SEMA5A: variants seen among roughly 807,000 people sequenced by gnomAD.
SEMA5A encodes the protein semaphorin-5A.
Under a neutral mutation model 135.5 loss-of-function variants are expected in SEMA5A, and 55 were observed. The observed-to-expected ratio is 0.41, with a 90% CI of 0.33 to 0.51. SEMA5A has a LOEUF of 0.51. Among genes scored for constraint, SEMA5A ranks in the 20% least tolerant of loss-of-function variants. The probability of loss-of-function intolerance (pLI) is 0.37; values close to 1 mark genes in which losing one functional copy is unlikely to be tolerated. For synonymous variants in SEMA5A, 580 were observed against 546.5 expected, an observed-to-expected ratio of 1.06 and a Z score of -0.85; for missense variants, 1,290 against 1,419.9, an observed-to-expected ratio of 0.91 and a Z score of 1.47.
intron 5 of SEMA5A, among the ~76,000 whole-genome samples, chr5:9,291,781 CTTTTGGAA>C (rs1015987715): frequency 3.7e-5 from 5 of 135,542 alleles, no homozygotes; most frequent in Non-Finnish European, 6.3e-5. Flanking sequence ...TTTTTTTTGA[CTTTTGGAA>C]TTTTGGAATT....
At chr5:9,459,667 A>G (rs186854923) in intron 1 of SEMA5A, among the ~76,000 whole-genome samples, 4 of 152,368 alleles carry the variant, frequency 2.6e-5, no homozygotes, top group Admixed American at 2.0e-4. Context: ...CATAGAAATG[A>G]TGACATAATA....
At chr5:9,066,817 G>C (rs926578434) in intron 16 of SEMA5A, among the ~76,000 whole-genome samples, 171 bp from the exon 17 acceptor site, 1 of 152,134 alleles carries the variant, frequency 6.6e-6, no homozygotes, top group African/African-American at 2.4e-5. Context: ...GTATTCAACA[G>C]AATGCTCAGT....
intron 11 of SEMA5A, among the ~76,000 whole-genome samples, chr5:9,177,885 C>T (rs545259410): frequency 2.0e-5 from 3 of 152,314 alleles, no homozygotes; most frequent in East Asian, 1.9e-4. Context: ...GATTAGCTTT[C>T]GAAGACTTAA....
chr5:9,263,691 C>T (rs954579516), intron 5 of SEMA5A, among the ~76,000 whole-genome samples: 1 of 152,150 alleles, frequency 6.6e-6, no homozygotes, highest in Non-Finnish European at 1.5e-5. Context: ...GGTTTTCATG[C>T]CTGTGATTAA....
intron 1 of SEMA5A, among the ~76,000 whole-genome samples, chr5:9,462,134 A>G (rs1202712570): frequency 3.9e-5 from 6 of 152,146 alleles, no homozygotes; most frequent in African/African-American, 1.4e-4. Flanking sequence ...CCTAAACAAA[A>G]TGTTCACCAA....
chr5:9,468,704 G>A (rs1759358219), intron 1 of SEMA5A, among the ~76,000 whole-genome samples: 3 of 152,058 alleles, frequency 2.0e-5, no homozygotes, highest in Non-Finnish European at 4.4e-5. Flanking sequence ...TCAAATGGTG[G>A]CATCCATTTA....
chr5:9,042,716 A>C lies in SEMA5A; in HGVS notation c.*181T>G. 1 of 636,470 alleles carries C rather than the reference A, an allele frequency of 1.6e-6. No homozygotes were observed. Among genetic ancestry groups the C allele is most frequent in the Non-Finnish European group, 2.7e-6 (1 of 377,232 alleles). The allele number at this position is 636,470 out of a possible 1,614,324, so 39.4% of individuals were successfully genotyped here. On this transcript the variant is annotated 3_prime_UTR_variant, in exon 23 of 23. Coordinates refer to ENST00000382496, the MANE Select transcript of SEMA5A (RefSeq NM_003966.3). ...ATGGTCAAGATTTTCACGATGTCTT[A>C]TTTCAATTTTTGTTGCTTTTAAAGA...
In SEMA5A at chr5:9,087,938, T is replaced by C. The variant is rs539939573; in HGVS notation, c.2073+20202A>G. ...GACTGCTTTTTGCTTCAATTTCTAT[T>C]CACTTAGACAAATAATTCAATAAGG... On this transcript the variant is annotated intron_variant, in intron 16 of 22. Transcript: ENST00000382496. Among the ~76,000 whole-genome samples the C allele has an allele frequency of 5.5e-4, 84 of 152,346 alleles. 1 individual carries two copies. Among genetic ancestry groups the C allele is most frequent in the African/African-American group, 1.6e-3 (68 of 41,588 alleles).
chr5:9,166,357 C>T (rs752786791), intron 11 of SEMA5A, among the ~76,000 whole-genome samples: 1 of 152,108 alleles, frequency 6.6e-6, no homozygotes, highest in Non-Finnish European at 1.5e-5. Flanking sequence ...GCCGTGTGAC[C>T]GAGCGCAGAT....
chr5:9,277,837 A>G (rs1294883586), intron 5 of SEMA5A, among the ~76,000 whole-genome samples: 1 of 152,128 alleles, frequency 6.6e-6, no homozygotes, highest in Non-Finnish European at 1.5e-5. Flanking sequence ...GAGGGATAGC[A>G]TTAGGAGAAA....
Position 9,459,920 on chromosome 5 carries a change from A to T in SEMA5A, c.-174-22068T>A, listed in dbSNP as rs994266475. Among the ~76,000 whole-genome samples, 49 of 152,372 alleles carry T rather than the reference A, an allele frequency of 3.2e-4. 1 individual carries two copies. Among genetic ancestry groups the T allele is most frequent in the African/African-American group, 1.2e-3 (48 of 41,600 alleles). ...TTTTAATTACAGCACAAAATCAGGC[A>T]TTGCAGATAACTGATTCCTTTTCCA... On this transcript the variant is annotated intron_variant, in intron 1 of 22. Coordinates refer to ENST00000382496, the MANE Select transcript of SEMA5A (RefSeq NM_003966.3).
intron 20 of SEMA5A, among the ~76,000 whole-genome samples, chr5:9,051,312 A>G (rs1022535039): frequency 2.6e-5 from 4 of 152,204 alleles, no homozygotes; most frequent in African/African-American, 4.8e-5. Flanking sequence ...GCAATGATCT[A>G]TGCATTCATA....
At chr5:9,113,231 T>C (rs375352944) in intron 15 of SEMA5A, among the ~76,000 whole-genome samples, 5 of 152,228 alleles carry the variant, frequency 3.3e-5, no homozygotes, top group African/African-American at 1.2e-4. Context: ...TAACAGACCG[T>C]GGTACATGGG....
chr5:9,281,513 C>T (rs533910049), intron 5 of SEMA5A, among the ~76,000 whole-genome samples: 6 of 152,220 alleles, frequency 3.9e-5, no homozygotes, highest in East Asian at 3.9e-4. Context: ...AATTATCTAG[C>T]GTAAAAAGTC....
chr5:9,446,083 T>C (rs1276164169), intron 1 of SEMA5A, among the ~76,000 whole-genome samples: 2 of 152,226 alleles, frequency 1.3e-5, no homozygotes, highest in Non-Finnish European at 2.9e-5. Context: ...CAGGGGATTT[T>C]GTTTCTCAAA....
At chr5:9,461,307 G>A (rs1219999812) in intron 1 of SEMA5A, among the ~76,000 whole-genome samples, 3 of 152,114 alleles carry the variant, frequency 2.0e-5, no homozygotes, top group Non-Finnish European at 4.4e-5. Flanking sequence ...ATCTTCCAGG[G>A]TATCTTAAAG....
chr5:9,127,451 C>T (rs1741177449), intron 13 of SEMA5A, among the ~76,000 whole-genome samples: 1 of 152,180 alleles, frequency 6.6e-6, no homozygotes, highest in East Asian at 1.9e-4. Flanking sequence ...TATACACTTT[C>T]CCTATGGCTC....
Position 9,224,678 on chromosome 5 carries a change from G to T in SEMA5A, c.642C>A (p.Leu214=). The change falls in exon 8 of 23, where the codon CTC becomes CTA. Residue 214 remains leucine, a synonymous_variant. Transcript: ENST00000382496. ...AGGGAGTGACGGAAGGCTTACCATT[G>T]AGCCATTTGGAGTTGTACTGCGCCG... ...LRTAQYNSKW[L]NEPNFVSSYD... 6.2e-7 allele frequency: 1 copy of T among 1,614,004 alleles called. No individual in the cohort carries two copies. Among genetic ancestry groups the T allele is most frequent in the Non-Finnish European group, 8.5e-7 (1 of 1,179,898 alleles).
At chr5:9,276,805 A>C (rs1238909136) in intron 5 of SEMA5A, among the ~76,000 whole-genome samples, 1 of 152,212 alleles carries the variant, frequency 6.6e-6, no homozygotes, top group Non-Finnish European at 1.5e-5. Flanking sequence ...TTATACAAAA[A>C]TTAACCCAAC....
Sources: allele counts gnomAD v4.1 joint callset (sites outside exome capture counted in the v4.1 genomes callset), GRCh38; gene constraint gnomAD v4.1.1; transcripts MANE v1.5; gene names NCBI Gene and HGNC (gene_info 2026-07-23, HGNC 2026-07-21).